RALYL: variants seen among roughly 807,000 people sequenced by gnomAD.
The protein encoded by RALYL is RALY RNA binding protein like.
RALYL carries 29 observed loss-of-function variants against 35.1 expected under a neutral mutation model. The observed-to-expected ratio is 0.83, with a 90% CI of 0.61 to 1.13. The LOEUF (loss-of-function observed/expected upper bound fraction) is 1.13, where lower values mean the gene tolerates loss of function less well. RALYL is among the 50% of genes most tolerant of loss of function. RALYL has a pLI of 0.00. For missense variants in RALYL, 359 were observed against 360.4 expected, an observed-to-expected ratio of 1.00 and a Z score of 0.03; for synonymous variants, 120 against 127.6, an observed-to-expected ratio of 0.94 and a Z score of 0.40.
intron 1 of RALYL, among the ~76,000 whole-genome samples, chr8:84,228,154 CAA>C (rs57543989): frequency 6.0e-4 from 74 of 123,790 alleles, no homozygotes; most frequent in Middle Eastern, 4.2e-3. Flanking sequence ...AATAGTCTAG[CAA>C]AAAAAAAAAA....
intron 1 of RALYL, among the ~76,000 whole-genome samples, chr8:84,192,923 T>A (rs1814333615): frequency 6.9e-6 from 1 of 144,772 alleles, no homozygotes; most frequent in Non-Finnish European, 1.5e-5. Context: ...GGGGGTTGTG[T>A]ACGTGTATAT....
At chr8:84,309,548 G>A (rs1051957614) in intron 1 of RALYL, among the ~76,000 whole-genome samples, 3 of 151,996 alleles carry the variant, frequency 2.0e-5, no homozygotes, top group African/African-American at 7.2e-5. Flanking sequence ...TAATGAAAAT[G>A]CTGAATATCC....
At chr8:84,448,506 AGAG>A (rs1310511729) in intron 1 of RALYL, among the ~76,000 whole-genome samples, 3 of 151,968 alleles carry the variant, frequency 2.0e-5, no homozygotes, top group Non-Finnish European at 4.4e-5. Flanking sequence ...ACTTATGAAG[AGAG>A]GTGATGAAAA....
At chr8:84,458,177 T>C (rs1005278922) in intron 1 of RALYL, among the ~76,000 whole-genome samples, 7 of 151,854 alleles carry the variant, frequency 4.6e-5, no homozygotes, top group African/African-American at 1.7e-4. Context: ...ATCAACTTCA[T>C]CTGTACTTTG....
At chr8:84,232,728 T>C (rs554544699) in intron 1 of RALYL, among the ~76,000 whole-genome samples, 65 of 152,230 alleles carry the variant, frequency 4.3e-4, no homozygotes, top group Non-Finnish European at 7.6e-4. Flanking sequence ...GGTAGGCATA[T>C]ATGTGTTGTA....
chr8:84,462,960 A>G (rs1043251200), intron 1 of RALYL, among the ~76,000 whole-genome samples: 5 of 151,906 alleles, frequency 3.3e-5, no homozygotes, highest in African/African-American at 1.2e-4. Context: ...AACATATATT[A>G]AGCACCCATT....
intron 2 of RALYL, among the ~76,000 whole-genome samples, chr8:84,610,286 T>C (rs1818021010): frequency 6.6e-6 from 1 of 152,112 alleles, no homozygotes; most frequent in African/African-American, 2.4e-5. Flanking sequence ...CCAGACTTTC[T>C]TTGTTTTTGA....
intron 4 of RALYL, among the ~76,000 whole-genome samples, chr8:84,830,204 T>C (rs935189304): frequency 3.3e-5 from 5 of 152,148 alleles, no homozygotes; most frequent in Admixed American, 6.5e-5. Flanking sequence ...CTATGCATGT[T>C]TCTGAATGAT....
At chr8:84,552,439 T>C (rs985225156) in intron 2 of RALYL, among the ~76,000 whole-genome samples, 1 of 142,830 alleles carries the variant, frequency 7.0e-6, no homozygotes, top group African/African-American at 2.6e-5. Flanking sequence ...CCATTGTTGG[T>C]GATTAACTGG....
At chr8:84,757,567 T>C (rs1442564260) in intron 2 of RALYL, among the ~76,000 whole-genome samples, 1 of 152,158 alleles carries the variant, frequency 6.6e-6, no homozygotes, top group South Asian at 2.1e-4. Context: ...TACTAACACT[T>C]CCATTTAAAA....
intron 1 of RALYL, among the ~76,000 whole-genome samples, chr8:84,339,251 C>T (rs1027968441): frequency 1.3e-5 from 2 of 151,926 alleles, no homozygotes; most frequent in African/African-American, 2.4e-5. Flanking sequence ...GAACCAGTAC[C>T]AGTTTGTGGC....
intron 1 of RALYL, among the ~76,000 whole-genome samples, chr8:84,364,056 C>T (rs1009482379): frequency 6.6e-6 from 1 of 152,124 alleles, no homozygotes; most frequent in Non-Finnish European, 1.5e-5. Context: ...TATGCAGTAT[C>T]TCTCAGTTTG....
intron 1 of RALYL, among the ~76,000 whole-genome samples, chr8:84,388,289 G>A (rs1859723602): frequency 6.6e-6 from 1 of 152,048 alleles, no homozygotes; most frequent in African/African-American, 2.4e-5. Context: ...TGTGATTAGT[G>A]CCGCAATAAA....
rs1309655478 is a variant in RALYL at position 84,458,224 on chromosome 8, G to A, written c.-23-71075G>A. Among the ~76,000 whole-genome samples, 3 of 151,754 alleles carry A rather than the reference G, an allele frequency of 2.0e-5. No homozygotes were observed. In the South Asian group the frequency reaches 6.2e-4, roughly 31 times the overall value. On this transcript the variant is annotated intron_variant, in intron 1 of 8. Transcript: ENST00000521268. ...CCTTGCATGTGACAATTGATGGTTT[G>A]CTATTTAAATAATATTACAAATGTC...
chr8:84,206,960 C>T (rs1015913385), intron 1 of RALYL, among the ~76,000 whole-genome samples: 11 of 152,036 alleles, frequency 7.2e-5, no homozygotes, highest in African/African-American at 2.4e-4. Flanking sequence ...CAGATCAAAA[C>T]CACAATGAGA....
At chr8:84,315,716 T>C (rs1457164758) in intron 1 of RALYL, among the ~76,000 whole-genome samples, 1 of 151,990 alleles carries the variant, frequency 6.6e-6, no homozygotes, top group Non-Finnish European at 1.5e-5. Flanking sequence ...TTTACAAGCA[T>C]GTAGCCCAAG....
chr8:84,395,603 T>G (rs1352365758), intron 1 of RALYL, among the ~76,000 whole-genome samples: 1 of 151,960 alleles, frequency 6.6e-6, no homozygotes, highest in Non-Finnish European at 1.5e-5. Flanking sequence ...TGTTTTCTAT[T>G]AAATAACATT....
chr8:84,524,046 G>A (rs1477422297), intron 1 of RALYL, among the ~76,000 whole-genome samples: 1 of 152,018 alleles, frequency 6.6e-6, no homozygotes, highest in African/African-American at 2.4e-5. Flanking sequence ...TGGGATGGCT[G>A]GGTCAAATGG....
At chr8:84,851,459 T>C (rs1210085216) in intron 5 of RALYL, among the ~76,000 whole-genome samples, 2 of 152,130 alleles carry the variant, frequency 1.3e-5, no homozygotes, top group African/African-American at 2.4e-5. Context: ...GAGATGAGGA[T>C]CAACTATATA....
Sources: allele counts gnomAD v4.1 joint callset (sites outside exome capture counted in the v4.1 genomes callset), GRCh38; gene constraint gnomAD v4.1.1; transcripts MANE v1.5; gene names NCBI Gene and HGNC (gene_info 2026-07-23, HGNC 2026-07-21).